Variants in ALG14 observed in about 807,000 individuals in gnomAD.
The protein encoded by ALG14 is UDP-N-acetylglucosamine transferase subunit ALG14.
A neutral mutation model predicts 22.8 loss-of-function variants in ALG14; 17 were observed. The observed-to-expected ratio is 0.75, with a 90% confidence interval of 0.51 to 1.12. The LOEUF (loss-of-function observed/expected upper bound fraction) is 1.12, where lower values mean the gene tolerates loss of function less well. Ranked by LOEUF, ALG14 falls within the 50% of genes most tolerant of loss-of-function variation. ALG14 has a pLI of 0.00. For synonymous variants in ALG14, 89 were observed against 103.7 expected (o/e 0.86, Z 0.86); for missense variants, 288 against 271.8 (o/e 1.06, Z -0.42).
chr1:95,067,475 C>A (rs1369879755), intron 1 of ALG14: 1 of 152,200 alleles, frequency 6.6e-6, no homozygotes, highest in Non-Finnish European at 1.5e-5. Flanking sequence ...GAGAATCTCT[C>A]TCTGTTATTT....
chr1:95,061,679 A>G (rs1675158424), intron 2 of ALG14: 1 of 152,248 alleles, frequency 6.6e-6, no homozygotes. Flanking sequence ...CATTATCTTC[A>G]TTCTTCTATC....
At chr1:95,051,731 C>G (rs1266981474) in intron 2 of ALG14, among the ~76,000 whole-genome samples, 1 of 152,192 alleles carries the variant, frequency 6.6e-6, no homozygotes, top group South Asian at 2.1e-4. Flanking sequence ...GGCCCCACCT[C>G]AGGGCCTTCT....
At chr1:95,060,591 C>A (rs1334434190) in intron 2 of ALG14, among the ~76,000 whole-genome samples, 1 of 151,786 alleles carries the variant, frequency 6.6e-6, no homozygotes, top group East Asian at 1.9e-4. Context: ...TAGTAGGCAC[C>A]TGTACTCCCA....
chr1:95,015,020 T>G (rs6687450), intron 3 of ALG14, among the ~76,000 whole-genome samples: 2 of 151,962 alleles, frequency 1.3e-5, no homozygotes, highest in Non-Finnish European at 2.9e-5. Flanking sequence ...GCACTCAGAA[T>G]AGGGGAGGCC....
rs892471460 is a variant in ALG14 at position 94,977,481 on chromosome 1, C to G, written c.*5595G>C. ...AAGATGTTATTTGCCTTTTCCTTGT[C>G]ATTCTTATGATGGTATAGTTTTCCA... On this transcript the variant is annotated 3_prime_UTR_variant, in exon 4 of 4. Transcript: ENST00000370205. The G allele has an allele frequency of 1.3e-5, 2 of 152,128 alleles. No homozygotes were observed. The highest frequency in any genetic ancestry group is 4.8e-5 in the African/African-American group (2 of 41,412). 9.4% of individuals were successfully genotyped at this position (152,128 alleles called of 1,614,324 possible). A position where few individuals can be genotyped will look rare whatever the true frequency, so the allele number is the denominator to read the frequency against.
At chr1:95,064,000 C>T (rs756905765) in intron 2 of ALG14, among the ~76,000 whole-genome samples, 13 of 152,120 alleles carry the variant, frequency 8.5e-5, no homozygotes, top group Admixed American at 8.5e-4. Context: ...CCTTCACTTC[C>T]CTTGTTAGCT....
rs1672480098 is a variant in ALG14 at position 94,980,915 on chromosome 1, T to G, written c.*2161A>C. ...TGGGACATATGTTTCTGGAAAAAAT[T>G]ATAGCATCTTTTCTACAATTCTCTC... is the stretch of plus-strand genomic sequence containing the variant. On this transcript the variant is annotated 3_prime_UTR_variant, in exon 4 of 4. Coordinates refer to ENST00000370205, the MANE Select transcript of ALG14 (RefSeq NM_144988.4). 6.6e-6 allele frequency: 1 copy of G among 151,336 alleles called. No homozygotes were observed. Among genetic ancestry groups the G allele is most frequent in the African/African-American group, 2.4e-5 (1 of 40,926 alleles). 9.4% of individuals were successfully genotyped at this position (151,336 alleles called of 1,614,324 possible).
intron 2 of ALG14, among the ~76,000 whole-genome samples, chr1:95,036,558 T>C (rs12749980): frequency 0.013 from 2,007 of 150,268 alleles, 18 homozygotes; most frequent in Non-Finnish European, 0.021. Flanking sequence ...TCTCAAGTAG[T>C]TGGGATTACA....
At chr1:95,000,519 G>A (rs890194222) in intron 3 of ALG14, among the ~76,000 whole-genome samples, 1 of 114,334 alleles carries the variant, frequency 8.7e-6, no homozygotes, top group South Asian at 3.0e-4. Context: ...CTGCGTAACA[G>A]AGCAAGACCC....
intron 2 of ALG14, among the ~76,000 whole-genome samples, chr1:95,048,124 T>G (rs113252260): frequency 2.0e-5 from 3 of 152,214 alleles, no homozygotes; most frequent in African/African-American, 7.2e-5. Context: ...ACACAGTGTC[T>G]TGTATAGAAT....
intron 2 of ALG14, among the ~76,000 whole-genome samples, chr1:95,056,121 A>G (rs1188822580): frequency 1.3e-5 from 2 of 152,132 alleles, no homozygotes; most frequent in Non-Finnish European, 2.9e-5. Flanking sequence ...AACAGAATAG[A>G]GAGCTAGGCT....
chr1:94,996,143 C>G (rs1044154078), intron 3 of ALG14, among the ~76,000 whole-genome samples: 2 of 152,202 alleles, frequency 1.3e-5, no homozygotes, highest in African/African-American at 4.8e-5. Context: ...GTTTCTCACA[C>G]TTTCACGTCA....
At chr1:94,996,607 A>G (rs1005587233) in intron 3 of ALG14, among the ~76,000 whole-genome samples, 3 of 152,346 alleles carry the variant, frequency 2.0e-5, no homozygotes, top group Admixed American at 2.0e-4. Context: ...ATCTCTTAGA[A>G]GGCAAGTATC....
In ALG14 at chr1:95,036,718, C is replaced by T. The variant is rs140121767; in HGVS notation, c.289-9458G>A. ...CTGGGATTAAGGGCGTGAGCCACCG[C>T]GCCTGGCCCAAGCTTCTTTTCTTTA... is the stretch of plus-strand genomic sequence containing the variant. On this transcript the variant is annotated intron_variant, in intron 2 of 3. Transcript: ENST00000370205. Among the ~76,000 whole-genome samples the T allele has an allele frequency of 3.6e-3, 552 of 152,212 alleles. 5 individuals carry two copies. Among genetic ancestry groups the T allele is most frequent in the African/African-American group, 0.012 (489 of 41,540 alleles).
At position 95,032,188 on chromosome 1, in the gene ALG14, A is replaced by T. The variant is rs571636825; in HGVS notation, c.289-4928T>A. Among the ~76,000 whole-genome samples, 515 of 152,014 alleles carry T rather than the reference A, an allele frequency of 3.4e-3. 1 individual carries two copies. The highest frequency in any genetic ancestry group is 0.011 in the South Asian group (51 of 4,820). On this transcript the variant is annotated intron_variant, in intron 2 of 3. Coordinates refer to ENST00000370205, the MANE Select transcript of ALG14 (RefSeq NM_144988.4). Reference sequence around the variant, plus strand: ...ATAGTTTGTAGTAAAAAAAAAAAAAATTTTATTGAATAAATAATTCAATAT... The same window carrying T: ...ATAGTTTGTAGTAAAAAAAAAAAAATTTTTATTGAATAAATAATTCAATAT...
intron 3 of ALG14, among the ~76,000 whole-genome samples, chr1:94,990,323 G>A (rs1001583655): frequency 8.5e-5 from 13 of 152,158 alleles, no homozygotes; most frequent in Admixed American, 5.2e-4. Context: ...TGGGGATGAC[G>A]TATTTGCTTG....
intron 2 of ALG14, among the ~76,000 whole-genome samples, chr1:95,031,407 G>A (rs1408776209): frequency 1.3e-5 from 2 of 152,124 alleles, no homozygotes; most frequent in South Asian, 2.1e-4. Flanking sequence ...TGACTGGCAC[G>A]GGACAGGAGA....
intron 3 of ALG14, chr1:95,022,389 T>C: frequency 1.0e-5 from 10 of 985,082 alleles, no homozygotes; most frequent in Non-Finnish European, 1.2e-5. Context: ...AGTTTGTCAG[T>C]CACAAGAAAC....
chr1:95,040,862 T>G (rs187358206), intron 2 of ALG14, among the ~76,000 whole-genome samples: 1 of 152,302 alleles, frequency 6.6e-6, no homozygotes, highest in Admixed American at 6.5e-5. Context: ...CACTGGGAAA[T>G]TGGTTAAATT....
Sources: gnomAD v4.1 joint callset for allele counts (sites outside exome capture counted in the v4.1 genomes callset) on GRCh38, gnomAD v4.1.1 for gene constraint, MANE v1.5 for transcripts, NCBI Gene and HGNC (gene_info 2026-07-23, HGNC 2026-07-21) for gene names.